AKAP11: variants seen among roughly 807,000 people sequenced by gnomAD.
AKAP11 encodes A-kinase anchor protein 11.
A neutral mutation model predicts 146.1 loss-of-function variants in AKAP11; 36 were observed. That is an observed-to-expected ratio of 0.25 (90% CI 0.19 to 0.33). The LOEUF (loss-of-function observed/expected upper bound fraction) is 0.33, where lower values mean the gene tolerates loss of function less well. Among genes scored for constraint, AKAP11 ranks in the 10% least tolerant of loss-of-function variants. The pLI is 1.00. For missense variants in AKAP11, 2,201 were observed against 2,197.0 expected, an observed-to-expected ratio of 1.00 and a Z score of -0.04; for synonymous variants, 780 against 786.5, an observed-to-expected ratio of 0.99 and a Z score of 0.14.
intron 1 of AKAP11, among the ~76,000 whole-genome samples, chr13:42,281,023 C>A (rs1959048035): frequency 6.6e-6 from 1 of 152,010 alleles, no homozygotes; most frequent in African/African-American, 2.4e-5. Flanking sequence ...TTTGAACATA[C>A]AAATTTTGGA....
In AKAP11 at chr13:42,298,811, T is replaced by G. The variant is rs550561491; in HGVS notation, c.616+14T>G. On this transcript the variant is annotated intron_variant, in intron 7 of 12. Coordinates refer to ENST00000025301, the MANE Select transcript of AKAP11 (RefSeq NM_016248.4). ...CATACAATGATGGTTTGTTTTTCAT[T>G]AGACTTTTTCCTAAAATAGGGAATT... 1.3e-6 allele frequency: 2 copies of G among 1,538,290 alleles called. No homozygotes were observed. Among genetic ancestry groups the G allele is most frequent in the East Asian group, 4.9e-5 (2 of 40,836 alleles).
intron 3 of AKAP11, among the ~76,000 whole-genome samples, chr13:42,290,017 A>G (rs1007527698): frequency 6.6e-6 from 1 of 152,208 alleles, no homozygotes; most frequent in East Asian, 1.9e-4. Context: ...AACATCATCT[A>G]GCATGCATTC....
chr13:42,303,725 A>G lies in AKAP11; in HGVS notation c.4979A>G (p.Glu1660Gly). The G allele has an allele frequency of 6.2e-7, 1 of 1,614,170 alleles. No individual in the cohort carries two copies. The highest frequency in any genetic ancestry group is 8.5e-7 in the Non-Finnish European group (1 of 1,180,012). ...GAGAAGATAGTTGCTGAAGCCATTG[A>G]AAAAGCTGAGCGAGAGCTGAGCAGT... ...LAEKIVAEAIEKAERELSSTS... is the reference protein window; with the variant it reads ...LAEKIVAEAIGKAERELSSTS... The change falls in exon 8 of 13, where the codon GAA becomes GGA. Residue 1660 changes from glutamate (E) to glycine (G), a missense_variant. By Grantham distance (98) the Glu-to-Gly change is moderately conservative. Transcript: ENST00000025301.
intron 8 of AKAP11, among the ~76,000 whole-genome samples, chr13:42,306,172 G>A (rs1041898893): frequency 1.3e-5 from 2 of 152,188 alleles, no homozygotes; most frequent in Admixed American, 6.5e-5. Flanking sequence ...CCAGTTCCTA[G>A]TATGATAATA....
chr13:42,276,780 A>G (rs1566252060), intron 1 of AKAP11, among the ~76,000 whole-genome samples: 2 of 152,320 alleles, frequency 1.3e-5, no homozygotes, highest in East Asian at 3.9e-4. Flanking sequence ...CCATCTGCAA[A>G]GTAGATCTGT....
intron 1 of AKAP11, among the ~76,000 whole-genome samples, chr13:42,277,699 G>T (rs1391952936): frequency 6.6e-6 from 1 of 152,206 alleles, no homozygotes; most frequent in Non-Finnish European, 1.5e-5. Context: ...TCACGTCATT[G>T]ATGAAATTTC....
rs753720029 is a variant in AKAP11 at position 42,302,996 on chromosome 13, A to G, written c.4250A>G (p.His1417Arg). ...KELLMFSNKE[H>R]HQEADKKRQS... Reference sequence around the variant, plus strand: ...CTGTTAATGTTTTCAAACAAAGAGCACCACCAAGAAGCAGACAAAAAGAGA... The same window carrying G: ...CTGTTAATGTTTTCAAACAAAGAGCGCCACCAAGAAGCAGACAAAAAGAGA... The change falls in exon 8 of 13, where the codon CAC becomes CGC. Residue 1417 changes from histidine to arginine, a missense_variant. Transcript: ENST00000025301. 6.2e-7 allele frequency: 1 copy of G among 1,613,806 alleles called. No individual in the cohort carries two copies. Among genetic ancestry groups the G allele is most frequent in the Non-Finnish European group, 8.5e-7 (1 of 1,180,006 alleles).
At chr13:42,317,733 A>T in intron 12 of AKAP11, 45 bp downstream of exon 12, 2 of 1,576,834 alleles carry the variant, frequency 1.3e-6, no homozygotes, top group Non-Finnish European at 1.7e-6. Context: ...TTAACAGTAT[A>T]TGATGTTCTT....
intron 2 of AKAP11, 109 bp from the exon 3 acceptor site, chr13:42,286,191 A>G (rs887756069): frequency 2.3e-6 from 1 of 440,266 alleles, no homozygotes; most frequent in African/African-American, 2.1e-5. Flanking sequence ...TTTTGTTTTC[A>G]TTTTTATTTT....
At chr13:42,275,453 G>A (rs1958895172) in intron 1 of AKAP11, among the ~76,000 whole-genome samples, 1 of 152,214 alleles carries the variant, frequency 6.6e-6, no homozygotes, top group Admixed American at 6.5e-5. Flanking sequence ...AAATGGATGA[G>A]GAAGAGACTT....
intron 7 of AKAP11, among the ~76,000 whole-genome samples, chr13:42,299,104 C>T (rs1484190540): frequency 1.3e-5 from 2 of 152,116 alleles, no homozygotes; most frequent in African/African-American, 4.8e-5. Context: ...AGAGTCTCCA[C>T]GGTAATTTTT....
Position 42,300,732 on chromosome 13 carries a change from G to A in AKAP11, c.1986G>A (p.Val662=). 1.2e-6 allele frequency: 2 copies of A among 1,614,070 alleles called. No homozygotes were observed. The highest frequency in any genetic ancestry group is 1.7e-6 in the Non-Finnish European group (2 of 1,179,952). Residue 662 remains valine (V), a synonymous_variant, in exon 8 of 13, where the codon GTG becomes GTA. Transcript: ENST00000025301. ...EELVFEGIME[V]CQFSYPQTPA... ...TTGTTTTTGAAGGCATCATGGAGGT[G>A]TGTCAGTTTTCATATCCTCAAACGC...
chr13:42,298,646 C>G lies in AKAP11; in HGVS notation c.465C>G (p.Thr155=). The G allele has an allele frequency of 6.2e-7, 1 of 1,611,950 alleles. No homozygotes were observed. The highest frequency in any genetic ancestry group is 8.5e-7 in the Non-Finnish European group (1 of 1,179,308). ...AATATGCTACTGGTATAAGGTACACCTTGGACACATTCTTGCATCAGAAGC... is the reference window on the plus strand; with the variant it reads ...AATATGCTACTGGTATAAGGTACACGTTGGACACATTCTTGCATCAGAAGC... ...LSKYATGIRY[T]LDTFLHQKHQ... The change falls in exon 7 of 13, where the codon ACC becomes ACG. Residue 155 remains threonine, a synonymous_variant. Transcript: ENST00000025301.
intron 3 of AKAP11, 84 bp downstream of exon 3, chr13:42,286,483 T>C: frequency 1.0e-6 from 1 of 996,324 alleles, no homozygotes; most frequent in Non-Finnish European, 1.5e-6. Context: ...CTATGATGTT[T>C]TGTTTAAATG....
chr13:42,278,009 G>T (rs1958969667), intron 1 of AKAP11, among the ~76,000 whole-genome samples: 1 of 152,188 alleles, frequency 6.6e-6, no homozygotes, highest in Non-Finnish European at 1.5e-5. Context: ...AATATTTGGA[G>T]ACAGTTTTGG....
intron 1 of AKAP11, among the ~76,000 whole-genome samples, chr13:42,282,373 C>G (rs750461719): frequency 3.3e-5 from 5 of 150,598 alleles, no homozygotes; most frequent in Admixed American, 2.0e-4. Flanking sequence ...TTTCCAATAG[C>G]TGAGTAATAA....
chr13:42,281,426 A>T (rs1959056051), intron 1 of AKAP11, among the ~76,000 whole-genome samples: 1 of 152,212 alleles, frequency 6.6e-6, no homozygotes, highest in Non-Finnish European at 1.5e-5. Context: ...CAGTAGGAAG[A>T]GAGTCAAGAT....
Position 42,321,035 on chromosome 13 carries a change from C to G in AKAP11, c.*1807C>G, listed in dbSNP as rs574445238. 8 of 152,320 alleles carry G rather than the reference C, an allele frequency of 5.3e-5. 1 individual carries two copies. In the East Asian group the frequency reaches 1.5e-3, roughly 29 times the overall value. 9.4% of individuals were successfully genotyped at this position (152,320 alleles called of 1,614,324 possible). ...ATTGTATAACCAGAATTGTTCCTGCCTTTAGCTTTTCAGAACTTGAGATGT... is the reference window on the plus strand; with the variant it reads ...ATTGTATAACCAGAATTGTTCCTGCGTTTAGCTTTTCAGAACTTGAGATGT... On this transcript the variant is annotated 3_prime_UTR_variant, in exon 13 of 13. Coordinates refer to ENST00000025301, the MANE Select transcript of AKAP11 (RefSeq NM_016248.4).
In AKAP11 at chr13:42,301,591, C is replaced by A; in HGVS notation, c.2845C>A (p.His949Asn). The stretch of plus-strand genomic sequence containing the variant: ...CCGGTTATCTAAATCTATTATTAAA[C>A]ATTCCATAGATAAGAGCAAATCAGT... ...ADRLSKSIIKHSIDKSKSVIP... is the reference protein window; with the variant it reads ...ADRLSKSIIKNSIDKSKSVIP... Residue 949 changes from histidine to asparagine, a missense_variant, in exon 8 of 13, where the codon CAT (histidine) becomes AAT (asparagine). By Grantham distance (68) the His-to-Asn change is moderately conservative. Around this residue, in one of 3 missense-constraint regions of AKAP11, gnomAD observed 1,867 missense variants for 1,833.5 expected, o/e 1.02. Coordinates refer to ENST00000025301, the MANE Select transcript of AKAP11 (RefSeq NM_016248.4). The A allele has an allele frequency of 6.2e-7, 1 of 1,614,054 alleles. No homozygotes were observed. Among genetic ancestry groups the A allele is most frequent in the South Asian group, 1.1e-5 (1 of 91,076 alleles).
Sources: allele counts gnomAD v4.1 joint callset (sites outside exome capture counted in the v4.1 genomes callset), GRCh38; gene constraint gnomAD v4.1.1; regional missense constraint gnomAD v4.1.1; transcripts MANE v1.5; gene names NCBI Gene and HGNC (gene_info 2026-07-23, HGNC 2026-07-21).